Variants in TMEM135 observed in about 807,000 individuals in gnomAD.
The protein encoded by TMEM135 is transmembrane protein 135.
Under a neutral mutation model 60.3 loss-of-function variants are expected in TMEM135, and 30 were observed. The observed-to-expected ratio is 0.50, with a 90% CI of 0.37 to 0.68. TMEM135 has a LOEUF of 0.68. Ranked by LOEUF, TMEM135 falls within the 30% of genes least tolerant of loss-of-function variation. The pLI, the probability that TMEM135 is intolerant of heterozygous loss-of-function variation, is 0.00. For missense variants in TMEM135, 468 were observed against 548.8 expected (o/e 0.85, Z 1.47); for synonymous variants, 190 against 186.7 (o/e 1.02, Z -0.14).
intron 6 of TMEM135, among the ~76,000 whole-genome samples, chr11:87,285,109 A>G (rs887828436): frequency 2.0e-5 from 3 of 152,238 alleles, no homozygotes; most frequent in African/African-American, 7.2e-5. Context: ...TTTCATGTTA[A>G]TATTTTCTTG....
chr11:87,263,352 A>G (rs544752228), intron 6 of TMEM135, among the ~76,000 whole-genome samples: 7 of 152,278 alleles, frequency 4.6e-5, no homozygotes, highest in African/African-American at 1.7e-4. Flanking sequence ...TTGTTACTGC[A>G]ATATCATCAT....
At chr11:87,209,274 A>G (rs1336027243) in intron 5 of TMEM135, among the ~76,000 whole-genome samples, 2 of 152,352 alleles carry the variant, frequency 1.3e-5, no homozygotes, top group African/African-American at 4.8e-5. Flanking sequence ...TAAAGAAGCC[A>G]AGACCCACCT....
At chr11:87,297,579 T>A (rs963372575) in intron 7 of TMEM135, among the ~76,000 whole-genome samples, 7 of 152,248 alleles carry the variant, frequency 4.6e-5, no homozygotes, top group African/African-American at 1.7e-4. Context: ...CTTGTTTTCC[T>A]ACATCTCCTT....
chr11:87,157,383 A>T lies in TMEM135; in HGVS notation c.439A>T (p.Ile147Phe). The change falls in exon 5 of 15, where the codon ATC becomes TTC. Residue 147 changes from isoleucine (I) to phenylalanine (F), a missense_variant. Coordinates refer to ENST00000305494, the MANE Select transcript of TMEM135 (RefSeq NM_022918.4). ...CAGAATGGGTGTAGCAAGAGGAACC[A>T]TCACAACATTAAGAAATGGAGAAGT... ...LFRMGVARGT[I>F]TTLRNGEVLL... 1 of 1,613,438 alleles carries T rather than the reference A, an allele frequency of 6.2e-7. No homozygotes were observed. Among genetic ancestry groups the T allele is most frequent in the Non-Finnish European group, 8.5e-7 (1 of 1,179,660 alleles).
chr11:87,166,707 G>A (rs1426539813), intron 5 of TMEM135, among the ~76,000 whole-genome samples: 2 of 151,574 alleles, frequency 1.3e-5, no homozygotes, highest in Non-Finnish European at 2.9e-5. Context: ...GATTACTGTG[G>A]CCTTGTAGTA....
intron 4 of TMEM135, among the ~76,000 whole-genome samples, chr11:87,138,338 G>T (rs905373589): frequency 6.6e-6 from 1 of 152,078 alleles, no homozygotes; most frequent in Non-Finnish European, 1.5e-5. Context: ...TGATCCGCCC[G>T]CCTTGGCCTC....
chr11:87,272,374 A>T (rs934789007), intron 6 of TMEM135, among the ~76,000 whole-genome samples: 10 of 151,916 alleles, frequency 6.6e-5, no homozygotes, highest in Non-Finnish European at 1.3e-4. Context: ...TTATATTTCT[A>T]TTGGATGACT....
chr11:87,038,189 G>T lies in TMEM135; in HGVS notation c.141+3G>T, dbSNP rs755194984. 1 of 1,614,098 alleles carries T rather than the reference G, an allele frequency of 6.2e-7. No individual in the cohort carries two copies. The highest frequency in any genetic ancestry group is 1.1e-5 in the South Asian group (1 of 91,072). On this transcript the variant is annotated splice_donor_region_variant and intron_variant, in intron 1 of 14. Coordinates refer to ENST00000305494, the MANE Select transcript of TMEM135 (RefSeq NM_022918.4). ...AGATCTATGCTCCTCTGTACTTGGTGAGACCCGTCACCCGTCCCGCAGGGC... is the reference window on the plus strand; with the variant it reads ...AGATCTATGCTCCTCTGTACTTGGTTAGACCCGTCACCCGTCCCGCAGGGC...
At position 87,327,914 on chromosome 11, in the gene TMEM135, C is replaced by T. The variant is rs1565176162; in HGVS notation, c.*6581C>T. The T allele has an allele frequency of 2.2e-6, 1 of 453,966 alleles. No individual in the cohort carries two copies. The highest frequency in any genetic ancestry group is 2.3e-5 in the Admixed American group (1 of 42,558). The allele number at this position is 453,966 out of a possible 1,614,324, so 28.1% of individuals were successfully genotyped here. On this transcript the variant is annotated 3_prime_UTR_variant, in exon 15 of 15. Coordinates refer to ENST00000305494, the MANE Select transcript of TMEM135 (RefSeq NM_022918.4). ...CTCCTTTCTTCTGTTTTTATTCTAC[C>T]CAGGCCTCCAGTGGATTGGAGGTGC...
chr11:87,266,733 A>C (rs1354992462), intron 6 of TMEM135, among the ~76,000 whole-genome samples: 7 of 152,244 alleles, frequency 4.6e-5, no homozygotes. Context: ...TCACTAAAGC[A>C]GGAGGCAGGG....
chr11:87,269,921 C>G lies in TMEM135; in HGVS notation c.510-25861C>G, dbSNP rs1001296962. 2.1e-4 allele frequency among the ~76,000 whole-genome samples: 26 copies of G among 124,464 alleles called. 3 individuals carry two copies. Among genetic ancestry groups the G allele is most frequent in the South Asian group, 5.0e-4 (2 of 4,000 alleles). 81.7% of individuals were successfully genotyped at this position (124,464 alleles called of 152,430 possible). A position where few individuals can be genotyped will look rare whatever the true frequency, so the allele number is the denominator to read the frequency against. On this transcript the variant is annotated intron_variant, in intron 6 of 14. Transcript: ENST00000305494. Reference sequence around the variant, plus strand: ...TCTAGATCCCTGAGGAATCGCCACACTGACTTCCACAATGGTTGAACTAGT... The same window carrying G: ...TCTAGATCCCTGAGGAATCGCCACAGTGACTTCCACAATGGTTGAACTAGT...
Position 87,325,205 on chromosome 11 carries a change from G to T in TMEM135, c.*3872G>T. On this transcript the variant is annotated 3_prime_UTR_variant, in exon 15 of 15. Coordinates refer to ENST00000305494, the MANE Select transcript of TMEM135 (RefSeq NM_022918.4). ...TCTGTTTAAAGTAGTGGCCTCAGGTGACTTTGTAATAGCCCTGTAGTTGCA... is the reference window on the plus strand; with the variant it reads ...TCTGTTTAAAGTAGTGGCCTCAGGTTACTTTGTAATAGCCCTGTAGTTGCA... 2.2e-6 allele frequency: 1 copy of T among 454,008 alleles called. No individual in the cohort carries two copies. Among genetic ancestry groups the T allele is most frequent in the Non-Finnish European group, 4.4e-6 (1 of 226,768 alleles). The allele number at this position is 454,008 out of a possible 1,614,324, so 28.1% of individuals were successfully genotyped here.
At chr11:87,145,217 A>G (rs1484299541) in intron 4 of TMEM135, among the ~76,000 whole-genome samples, 1 of 152,170 alleles carries the variant, frequency 6.6e-6, no homozygotes, top group Non-Finnish European at 1.5e-5. Context: ...ATACAGCATA[A>G]TGTTCTCCAG....
At chr11:87,081,478 GTTTT>G (rs1352066941) in intron 3 of TMEM135, among the ~76,000 whole-genome samples, 1 of 151,822 alleles carries the variant, frequency 6.6e-6, no homozygotes, top group African/African-American at 2.4e-5. Flanking sequence ...TATTGGATTT[GTTTT>G]TTGTTTGTTG....
chr11:87,176,150 T>G (rs1026358165), intron 5 of TMEM135, among the ~76,000 whole-genome samples: 5 of 152,096 alleles, frequency 3.3e-5, no homozygotes, highest in Non-Finnish European at 7.4e-5. Flanking sequence ...TGGGAGGTGT[T>G]TGGGTCATGG....
At chr11:87,113,490 A>G (rs2135202171) in intron 4 of TMEM135, among the ~76,000 whole-genome samples, 1 of 152,176 alleles carries the variant, frequency 6.6e-6, no homozygotes, top group East Asian at 1.9e-4. Flanking sequence ...AAAACCAAAC[A>G]CTTGTAACAA....
Position 87,309,520 on chromosome 11 carries a change from T to A in TMEM135, c.784T>A (p.Phe262Ile). Residue 262 changes from phenylalanine to isoleucine, a missense_variant, in exon 10 of 15, where the codon TTT becomes ATT. Transcript: ENST00000305494. ...SYCIKGFIRM[F>I]SVGYLIQCCL... is the part of the protein sequence containing the mutation. Reference sequence around the variant, plus strand: ...TTTCCTCTAGGGTTTCATCAGAATGTTTAGCGTGGGGTACTTGATCCAGTG... The same window carrying A: ...TTTCCTCTAGGGTTTCATCAGAATGATTAGCGTGGGGTACTTGATCCAGTG... 1 of 1,613,820 alleles carries A rather than the reference T, an allele frequency of 6.2e-7. No individual in the cohort carries two copies. The highest frequency in any genetic ancestry group is 8.5e-7 in the Non-Finnish European group (1 of 1,179,766).
intron 1 of TMEM135, among the ~76,000 whole-genome samples, chr11:87,060,208 T>C (rs184190544): frequency 7.6e-4 from 116 of 152,354 alleles, no homozygotes; most frequent in Non-Finnish European, 8.4e-4. Context: ...TCTCTGCTAT[T>C]GGAATTAATT....
In TMEM135 at chr11:87,325,660, A is replaced by G. The variant is rs7936013; in HGVS notation, c.*4327A>G. On this transcript the variant is annotated 3_prime_UTR_variant, in exon 15 of 15. Coordinates refer to ENST00000305494, the MANE Select transcript of TMEM135 (RefSeq NM_022918.4). ...TCAAGTGAGAGGCTCTGGAGTGATCATAACGGTGATAACAATGGAGTAAAC... is the reference window on the plus strand; with the variant it reads ...TCAAGTGAGAGGCTCTGGAGTGATCGTAACGGTGATAACAATGGAGTAAAC... 82,723 of 453,696 alleles carry G rather than the reference A, an allele frequency of 0.18. 7,913 individuals carry two copies. Among genetic ancestry groups the G allele is most frequent in the African/African-American group, 0.23 (11,619 of 49,946 alleles). 28.1% of individuals were successfully genotyped at this position (453,696 alleles called of 1,614,324 possible). A position where few individuals can be genotyped will look rare whatever the true frequency, so the allele number is the denominator to read the frequency against.
Sources: allele counts gnomAD v4.1 joint callset (sites outside exome capture counted in the v4.1 genomes callset), GRCh38; gene constraint gnomAD v4.1.1; transcripts MANE v1.5; gene names NCBI Gene and HGNC (gene_info 2026-07-23, HGNC 2026-07-21).